Variants in CCDC171 observed in about 807,000 individuals in gnomAD.
The protein encoded by CCDC171 is coiled-coil domain-containing protein 171.
CCDC171 carries 177 observed loss-of-function variants against 168.2 expected under a neutral mutation model. That is an observed-to-expected ratio of 1.05 (90% CI 0.93 to 1.19). CCDC171 has a LOEUF of 1.19. Among genes scored for constraint, CCDC171 ranks in the 50% most tolerant of loss-of-function variants. The pLI, the probability that CCDC171 is intolerant of heterozygous loss-of-function variation, is 0.00. For missense variants in CCDC171, 1,991 were observed against 1,539.0 expected, an observed-to-expected ratio of 1.29 and a Z score of -4.91; for synonymous variants, 687 against 540.8, an observed-to-expected ratio of 1.27 and a Z score of -3.75.
chr9:15,727,526 T>C (rs1241175498), intron 14 of CCDC171, among the ~76,000 whole-genome samples: 1 of 152,208 alleles, frequency 6.6e-6, no homozygotes, highest in Non-Finnish European at 1.5e-5. Context: ...TTATAAACAA[T>C]GAGTCCAATC....
chr9:15,754,026 A>G (rs903929353), intron 18 of CCDC171, among the ~76,000 whole-genome samples: 7 of 152,142 alleles, frequency 4.6e-5, no homozygotes, highest in Non-Finnish European at 8.8e-5. Context: ...TTTTCATTTT[A>G]AGTTATATTT....
intron 1 of CCDC171, among the ~76,000 whole-genome samples, chr9:15,559,206 T>G (rs891989386): frequency 1.2e-4 from 18 of 152,244 alleles, no homozygotes; most frequent in African/African-American, 4.1e-4. Flanking sequence ...GAATGTATAT[T>G]CTGTTGATTT....
At chr9:15,729,258 C>T (rs2054009210) in intron 15 of CCDC171, among the ~76,000 whole-genome samples, 1 of 152,050 alleles carries the variant, frequency 6.6e-6, no homozygotes, top group Non-Finnish European at 1.5e-5. Flanking sequence ...TTAAATCTTA[C>T]TTACTTTTTT....
rs370397235 is a variant in CCDC171, at chr9:16,050,683, C to T, written n.89+7797C>T. 7.2e-4 allele frequency among the ~76,000 whole-genome samples: 109 copies of T among 152,312 alleles called. 3 individuals carry two copies. In the South Asian group the frequency reaches 0.023, roughly 32 times the overall value. On this transcript the variant is annotated intron_variant and non_coding_transcript_variant, in intron 1 of 1. Coordinates refer to the CCDC171 transcript ENST00000478913. ...TCACAACATTGTCTTTGTATATGAG[C>T]ATTGCACATGTCCATAAAAATGTTG...
chr9:16,044,904 G>A (rs1214692351), intron 1 of CCDC171, among the ~76,000 whole-genome samples: 1 of 152,102 alleles, frequency 6.6e-6, no homozygotes, highest in Admixed American at 6.5e-5. Flanking sequence ...TCCTTGCTTT[G>A]AGCTTGGCTT....
intron 3 of CCDC171, among the ~76,000 whole-genome samples, chr9:16,010,524 C>T (rs1224938807): frequency 6.6e-6 from 1 of 152,048 alleles, no homozygotes; most frequent in Non-Finnish European, 1.5e-5. Context: ...CTCTCGCTCC[C>T]CCTCAGTGCT....
At chr9:15,669,576 A>G (rs890216019) in intron 9 of CCDC171, among the ~76,000 whole-genome samples, 1 of 152,144 alleles carries the variant, frequency 6.6e-6, no homozygotes, top group African/African-American at 2.4e-5. Context: ...TGTTCCTTCC[A>G]TCTAACTGTA....
At chr9:15,823,837 C>G (rs926410765) in intron 21 of CCDC171, among the ~76,000 whole-genome samples, 1 of 151,872 alleles carries the variant, frequency 6.6e-6, no homozygotes, top group African/African-American at 2.4e-5. Flanking sequence ...GTGATGTTTT[C>G]TTTGTATATT....
At chr9:15,821,594 G>C (rs1273588254) in intron 21 of CCDC171, among the ~76,000 whole-genome samples, 1 of 116,502 alleles carries the variant, frequency 8.6e-6, no homozygotes, top group Admixed American at 8.1e-5. Flanking sequence ...TTGCTTCAAA[G>C]AGAATAAAAT....
downstream of CCDC171, chr9:16,061,517 G>A (rs1244594946): frequency 6.6e-6 from 1 of 151,860 alleles, no homozygotes; most frequent in Non-Finnish European, 1.5e-5. Flanking sequence ...AATAGTTTTT[G>A]CTTTTTCAAG....
chr9:15,957,474 A>G (rs985870352), intron 25 of CCDC171, among the ~76,000 whole-genome samples: 6 of 152,152 alleles, frequency 3.9e-5, no homozygotes, highest in African/African-American at 9.6e-5. Flanking sequence ...TACACTGTAT[A>G]TGTCAACTCT....
chr9:15,592,533 A>G (rs971949221), intron 5 of CCDC171, among the ~76,000 whole-genome samples: 3 of 152,096 alleles, frequency 2.0e-5, no homozygotes, highest in Admixed American at 2.0e-4. Flanking sequence ...CAGCAAATTT[A>G]CTTTTGATTT....
chr9:15,922,454 G>C (rs868211431), intron 25 of CCDC171, among the ~76,000 whole-genome samples: 6 of 151,630 alleles, frequency 4.0e-5, no homozygotes, highest in African/African-American at 7.2e-5. Context: ...GTAAGAGCAT[G>C]GGCTTTGGAG....
intron 5 of CCDC171, chr9:16,022,601 TC>T (rs1022664918): frequency 1.2e-4 from 18 of 152,304 alleles, no homozygotes; most frequent in Admixed American, 1.1e-3. Context: ...TGCTTTTAAA[TC>T]CCCAAGAATG....
At chr9:15,742,634 T>C (rs556253694) in intron 16 of CCDC171, among the ~76,000 whole-genome samples, 1 of 152,298 alleles carries the variant, frequency 6.6e-6, no homozygotes, top group East Asian at 1.9e-4. Flanking sequence ...ATGGTCTTTA[T>C]GTGGAGTTCT....
chr9:15,809,634 G>C (rs1276214332), intron 21 of CCDC171, among the ~76,000 whole-genome samples: 1 of 151,186 alleles, frequency 6.6e-6, no homozygotes, highest in Non-Finnish European at 1.5e-5. Context: ...TTCCTGTCCG[G>C]AGTTGTTCAT....
At chr9:16,005,920 T>A (rs991719158) in intron 3 of CCDC171, among the ~76,000 whole-genome samples, 1 of 151,684 alleles carries the variant, frequency 6.6e-6, no homozygotes, top group Non-Finnish European at 1.5e-5. Context: ...TTTTTTATTT[T>A]ATTTTTTGAG....
intron 21 of CCDC171, among the ~76,000 whole-genome samples, chr9:15,822,677 A>C (rs1357462345): frequency 2.6e-5 from 4 of 152,228 alleles, no homozygotes; most frequent in Non-Finnish European, 5.9e-5. Flanking sequence ...TTAAAAAGTC[A>C]GGAAACAGCA....
At chr9:15,646,272 G>A (rs1466837012) in intron 7 of CCDC171, among the ~76,000 whole-genome samples, 1 of 152,122 alleles carries the variant, frequency 6.6e-6, no homozygotes. Context: ...AGGAAAAACT[G>A]ATACGAGCCC....
Sources: allele counts gnomAD v4.1 joint callset (sites outside exome capture counted in the v4.1 genomes callset), GRCh38; gene constraint gnomAD v4.1.1; transcripts MANE v1.5; gene names NCBI Gene and HGNC (gene_info 2026-07-23, HGNC 2026-07-21).